The following MAD1L1 variants were observed in gnomAD, a reference collection of about 807,000 sequenced individuals.
MAD1L1 encodes mitotic arrest deficient 1 like 1.
A neutral mutation model predicts 96.9 loss-of-function variants in MAD1L1; 95 were observed. That is an observed-to-expected ratio of 0.98 (90% CI 0.83 to 1.16). The LOEUF is 1.16. Ranked by LOEUF, MAD1L1 falls within the 50% of genes most tolerant of loss-of-function variation. The probability of loss-of-function intolerance (pLI) is 0.00; values close to 1 mark genes in which losing one functional copy is unlikely to be tolerated. For missense variants in MAD1L1, 1,007 were observed against 954.4 expected (o/e 1.06, Z -0.73); for synonymous variants, 473 against 396.6 (o/e 1.19, Z -2.29).
At chr7:2,112,655 G>A (rs1330559215) in intron 11 of MAD1L1, among the ~76,000 whole-genome samples, 1 of 152,232 alleles carries the variant, frequency 6.6e-6, no homozygotes, top group African/African-American at 2.4e-5. Context: ...CAGCCCAGGG[G>A]TGCTGGATGG....
intron 11 of MAD1L1, among the ~76,000 whole-genome samples, chr7:2,100,998 C>T (rs537779410): frequency 1.3e-5 from 2 of 152,212 alleles, no homozygotes; most frequent in Non-Finnish European, 2.9e-5. Flanking sequence ...CTCATTTGCA[C>T]GTGTCAGGGG....
intron 10 of MAD1L1, among the ~76,000 whole-genome samples, chr7:2,164,805 G>A (rs1036398092): frequency 1.3e-5 from 2 of 152,186 alleles, no homozygotes; most frequent in Non-Finnish European, 2.9e-5. Flanking sequence ...CAAACAGACA[G>A]AGTCCTTGGC....
chr7:1,983,752 G>GCTC (rs1303915368), intron 14 of MAD1L1, among the ~76,000 whole-genome samples: 1 of 152,202 alleles, frequency 6.6e-6, no homozygotes, highest in African/African-American at 2.4e-5. Context: ...GCTCTCGCAT[G>GCTC]CTCCTGCTCA....
chr7:1,874,220 A>G (rs13221208), intron 18 of MAD1L1, among the ~76,000 whole-genome samples: 106,337 of 152,006 alleles, frequency 0.7, 37,850 homozygotes, highest in African/African-American at 0.83. Context: ...CACGGCTGGT[A>G]AGACCCGGGG....
chr7:1,867,530 AGGTGTG>A (rs1784834065), intron 18 of MAD1L1, among the ~76,000 whole-genome samples: 1 of 152,238 alleles, frequency 6.6e-6, no homozygotes, highest in Non-Finnish European at 1.5e-5. Context: ...ATCCCACTGC[AGGTGTG>A]CAGTGAGTAG....
chr7:1,941,013 C>CT (rs143896454), intron 16 of MAD1L1, among the ~76,000 whole-genome samples: 328 of 149,058 alleles, frequency 2.2e-3, no homozygotes, highest in Middle Eastern at 3.5e-3. Flanking sequence ...TCCTCTTCCT[C>CT]CCCAGGCTTC....
chr7:1,852,051 T>C (rs1033761811), intron 18 of MAD1L1, among the ~76,000 whole-genome samples: 4 of 152,100 alleles, frequency 2.6e-5, no homozygotes, highest in Non-Finnish European at 4.4e-5. Flanking sequence ...TGTCACAAGA[T>C]TGTTCTGGAA....
At chr7:2,039,548 C>T (rs1163081773) in intron 12 of MAD1L1, among the ~76,000 whole-genome samples, 1 of 152,240 alleles carries the variant, frequency 6.6e-6, no homozygotes, top group Non-Finnish European at 1.5e-5. Flanking sequence ...TGAACTTTGA[C>T]AGGTGTGCAG....
intron 15 of MAD1L1, among the ~76,000 whole-genome samples, chr7:1,960,815 C>T (rs372652999): frequency 3.3e-5 from 5 of 152,262 alleles, no homozygotes; most frequent in East Asian, 3.9e-4. Context: ...ATAAATGCTT[C>T]GACTCTTAAG....
chr7:2,044,151 C>T (rs956572334), intron 12 of MAD1L1, among the ~76,000 whole-genome samples: 2 of 152,230 alleles, frequency 1.3e-5, no homozygotes, highest in African/African-American at 2.4e-5. Context: ...AAAATCATAG[C>T]GAATGCTCAC....
chr7:1,972,785 C>T (rs1780462777), intron 15 of MAD1L1, among the ~76,000 whole-genome samples: 1 of 152,138 alleles, frequency 6.6e-6, no homozygotes, highest in Admixed American at 6.5e-5. Flanking sequence ...TCTTTCTCAA[C>T]GTGAACACTG....
intron 14 of MAD1L1, chr7:1,980,792 AG>A (rs1380604316): frequency 3.3e-6 from 2 of 603,820 alleles, no homozygotes; most frequent in African/African-American, 3.7e-5. Flanking sequence ...GCTCACGGTG[AG>A]GTGTGTGGGG....
chr7:2,100,512 T>A (rs1786724640), intron 11 of MAD1L1, among the ~76,000 whole-genome samples: 1 of 152,240 alleles, frequency 6.6e-6, no homozygotes, highest in African/African-American at 2.4e-5. Flanking sequence ...ACCCGGCGCG[T>A]CTGCCTCGTC....
chr7:2,117,023 C>T (rs548099721), intron 11 of MAD1L1, among the ~76,000 whole-genome samples: 8 of 152,356 alleles, frequency 5.3e-5, no homozygotes, highest in African/African-American at 1.7e-4. Flanking sequence ...GCTCCCAATG[C>T]AGCAGGAGAG....
At chr7:2,140,378 C>T (rs1212553892) in intron 11 of MAD1L1, among the ~76,000 whole-genome samples, 1 of 152,244 alleles carries the variant, frequency 6.6e-6, no homozygotes, top group East Asian at 1.9e-4. Flanking sequence ...CGGTGCCACC[C>T]TCCACGCCTC....
At chr7:1,918,384 G>T (rs759106100) in intron 17 of MAD1L1, among the ~76,000 whole-genome samples, 1 of 152,122 alleles carries the variant, frequency 6.6e-6, no homozygotes, top group Non-Finnish European at 1.5e-5. Flanking sequence ...ATCCTCCCTC[G>T]GCTCCGTCTT....
intron 18 of MAD1L1, among the ~76,000 whole-genome samples, chr7:1,863,103 A>G (rs556380189): frequency 2.0e-5 from 3 of 152,326 alleles, no homozygotes; most frequent in South Asian, 2.1e-4. Context: ...CAACCCCCCA[A>G]CCAGAGGAGG....
At chr7:1,863,080 C>T (rs1000799151) in intron 18 of MAD1L1, among the ~76,000 whole-genome samples, 3 of 152,250 alleles carry the variant, frequency 2.0e-5, no homozygotes, top group Admixed American at 6.5e-5. Flanking sequence ...CGCTGCACTC[C>T]GCACCCTCCA....
intron 14 of MAD1L1, among the ~76,000 whole-genome samples, chr7:1,981,185 T>G (rs1286409922): frequency 6.6e-6 from 1 of 152,196 alleles, no homozygotes; most frequent in African/African-American, 2.4e-5. Context: ...CAGGCTGGTC[T>G]CGAACTCCTG....
Sources: allele counts gnomAD v4.1 joint callset (sites outside exome capture counted in the v4.1 genomes callset), GRCh38; gene constraint gnomAD v4.1.1; transcripts MANE v1.5; gene names NCBI Gene and HGNC (gene_info 2026-07-23, HGNC 2026-07-21).